AUTS2: variants seen among roughly 807,000 people sequenced by gnomAD.
AUTS2 encodes the protein autism susceptibility gene 2 protein.
AUTS2 carries 17 observed loss-of-function variants against 112.4 expected under a neutral mutation model. That is an observed-to-expected ratio of 0.15 (90% CI 0.10 to 0.23). The LOEUF is 0.23. Ranked by LOEUF, AUTS2 falls within the 10% of genes least tolerant of loss-of-function variation. The pLI is 1.00. For missense variants in AUTS2, 1,510 were observed against 1,701.6 expected, an observed-to-expected ratio of 0.89 and a Z score of 1.98; for synonymous variants, 751 against 702.7, an observed-to-expected ratio of 1.07 and a Z score of -1.09.
intron 4 of AUTS2, among the ~76,000 whole-genome samples, chr7:70,434,162 A>G (rs1210199377): frequency 6.6e-6 from 1 of 152,178 alleles, no homozygotes; most frequent in African/African-American, 2.4e-5. Context: ...GGGAGACAAA[A>G]TTGTTTCTAG....
chr7:70,791,177 A>AT lies in AUTS2; in HGVS notation c.*186dup, dbSNP rs1013925420. The AT allele has an allele frequency of 1.7e-6, 1 of 572,498 alleles. No homozygotes were observed. Among genetic ancestry groups the AT allele is most frequent in the Non-Finnish European group, 2.6e-6 (1 of 384,168 alleles). The allele number at this position is 572,498 out of a possible 1,614,324, so 35.5% of individuals were successfully genotyped here. On this transcript the variant is annotated 3_prime_UTR_variant, in exon 19 of 19. Coordinates refer to ENST00000342771, the MANE Select transcript of AUTS2 (RefSeq NM_015570.4). Reference sequence around the variant, plus strand: ...AATGTTTTGTATATTATATGTTGAGATTTTTCAGATCTTTTAGCCCAGTCA... The same window carrying AT: ...AATGTTTTGTATATTATATGTTGAGATTTTTTCAGATCTTTTAGCCCAGTCA...
At chr7:70,606,863 G>GAA (rs35779844) in intron 5 of AUTS2, among the ~76,000 whole-genome samples, 34 of 89,456 alleles carry the variant, frequency 3.8e-4, no homozygotes, top group East Asian at 5.6e-4. Context: ...TCTGTCTCAA[G>GAA]AAAAAAAAAA....
intron 4 of AUTS2, among the ~76,000 whole-genome samples, chr7:70,217,003 A>T (rs996892506): frequency 3.5e-4 from 53 of 151,984 alleles, no homozygotes; most frequent in African/African-American, 1.3e-3. Context: ...TCCACCTCCC[A>T]GGTTCAAGCA....
At chr7:69,911,874 C>T (rs773641334) in intron 2 of AUTS2, among the ~76,000 whole-genome samples, 4 of 152,142 alleles carry the variant, frequency 2.6e-5, no homozygotes, top group South Asian at 4.1e-4. Context: ...GCACCCTGGC[C>T]GCTAGGCTTC....
chr7:70,710,092 GA>G (rs1809967342), intron 6 of AUTS2, among the ~76,000 whole-genome samples: 1 of 152,076 alleles, frequency 6.6e-6, no homozygotes, highest in African/African-American at 2.4e-5. Flanking sequence ...GCTGTTAAAA[GA>G]GATGATTTAT....
chr7:70,171,904 T>G (rs200034545), intron 4 of AUTS2, among the ~76,000 whole-genome samples: 17,065 of 138,010 alleles, frequency 0.12, 1,007 homozygotes, highest in South Asian at 0.17. Context: ...GTTTTTTTTT[T>G]TGGGGGGGGG....
intron 4 of AUTS2, among the ~76,000 whole-genome samples, chr7:70,280,387 G>A (rs1466915758): frequency 6.7e-6 from 1 of 148,572 alleles, no homozygotes; most frequent in Non-Finnish European, 1.5e-5. Context: ...GGGTTCAAGC[G>A]ATTCTCATGC....
intron 5 of AUTS2, among the ~76,000 whole-genome samples, chr7:70,606,659 G>A (rs1441759843): frequency 2.6e-5 from 4 of 151,998 alleles, no homozygotes; most frequent in African/African-American, 4.8e-5. Flanking sequence ...TCGGAAGTTC[G>A]AGACCAGCCT....
intron 2 of AUTS2, among the ~76,000 whole-genome samples, chr7:70,069,776 A>G (rs1465607751): frequency 6.6e-6 from 1 of 150,960 alleles, no homozygotes; most frequent in Non-Finnish European, 1.5e-5. Context: ...TCAAATTCTA[A>G]TTCATGAATA....
chr7:70,357,238 C>T (rs1792053026), intron 4 of AUTS2, among the ~76,000 whole-genome samples: 1 of 152,210 alleles, frequency 6.6e-6, no homozygotes, highest in African/African-American at 2.4e-5. Flanking sequence ...CTTTGTGGCC[C>T]AGAGCCTAGC....
intron 1 of AUTS2, among the ~76,000 whole-genome samples, chr7:69,848,612 G>A (rs1472215168): frequency 6.6e-6 from 1 of 152,158 alleles, no homozygotes; most frequent in African/African-American, 2.4e-5. Context: ...GTGCCCCCAG[G>A]TAAACCCTGT....
chr7:70,001,490 G>C (rs1449673311), intron 2 of AUTS2, among the ~76,000 whole-genome samples: 4 of 151,926 alleles, frequency 2.6e-5, no homozygotes, highest in Non-Finnish European at 5.9e-5. Flanking sequence ...ATGGTGGTTG[G>C]TATAGTGCTG....
At chr7:70,773,929 T>C (rs1275835977) in intron 11 of AUTS2, 99 bp from the exon 12 acceptor site, 1 of 1,109,726 alleles carries the variant, frequency 9.0e-7, no homozygotes, top group African/African-American at 1.5e-5. Flanking sequence ...AACAAACAAA[T>C]GAAGTTTGGC....
intron 6 of AUTS2, among the ~76,000 whole-genome samples, chr7:70,734,310 G>A (rs1210807444): frequency 4.6e-5 from 7 of 151,994 alleles, no homozygotes; most frequent in Non-Finnish European, 7.4e-5. Context: ...CATGGTGGCC[G>A]GTGCCTGTAG....
At chr7:70,361,183 A>G (rs1251480247) in intron 4 of AUTS2, among the ~76,000 whole-genome samples, 1 of 152,080 alleles carries the variant, frequency 6.6e-6, no homozygotes, top group African/African-American at 2.4e-5. Flanking sequence ...AATACAAAAA[A>G]TTAGCTGGGC....
chr7:70,205,475 A>G (rs1584873657), intron 4 of AUTS2, among the ~76,000 whole-genome samples: 1 of 152,200 alleles, frequency 6.6e-6, no homozygotes, highest in East Asian at 1.9e-4. Flanking sequence ...ATAAATTATA[A>G]TAACATATTT....
chr7:70,369,999 A>G (rs1792765730), intron 4 of AUTS2, among the ~76,000 whole-genome samples: 1 of 152,194 alleles, frequency 6.6e-6, no homozygotes, highest in South Asian at 2.1e-4. Context: ...GATTCCAACA[A>G]TGCTATCAAC....
At chr7:69,988,254 A>T (rs1363130606) in intron 2 of AUTS2, among the ~76,000 whole-genome samples, 3 of 152,162 alleles carry the variant, frequency 2.0e-5, no homozygotes, top group Non-Finnish European at 4.4e-5. Flanking sequence ...GTCTAAAAAG[A>T]TGAGTTTGGT....
intron 5 of AUTS2, among the ~76,000 whole-genome samples, chr7:70,524,084 G>T (rs1235873567): frequency 2.0e-5 from 3 of 152,246 alleles, no homozygotes; most frequent in Admixed American, 1.3e-4. Flanking sequence ...ATTTTAGGTT[G>T]CTGTAGTTAC....
Sources: allele counts gnomAD v4.1 joint callset (sites outside exome capture counted in the v4.1 genomes callset), GRCh38; gene constraint gnomAD v4.1.1; transcripts MANE v1.5; gene names NCBI Gene and HGNC (gene_info 2026-07-23, HGNC 2026-07-21).